NR1H4: variants seen among roughly 807,000 people sequenced by gnomAD.
The protein encoded by NR1H4 is bile acid receptor.
In NR1H4, 23 loss-of-function variants were observed where a neutral mutation model predicts 58.5. That is an observed-to-expected ratio of 0.39 (90% CI 0.28 to 0.56). NR1H4 has a LOEUF of 0.56. Ranked by LOEUF, NR1H4 falls within the 20% of genes least tolerant of loss-of-function variation. The pLI, the probability that NR1H4 is intolerant of heterozygous loss-of-function variation, is 0.58. For synonymous variants in NR1H4, 214 were observed against 198.0 expected, an observed-to-expected ratio of 1.08 and a Z score of -0.68; for missense variants, 487 against 576.9, an observed-to-expected ratio of 0.84 and a Z score of 1.60.
At chr12:100,529,993 A>G (rs1255989589) in intron 4 of NR1H4, among the ~76,000 whole-genome samples, 1 of 152,228 alleles carries the variant, frequency 6.6e-6, no homozygotes, top group East Asian at 1.9e-4. Context: ...CTACATTTCA[A>G]TAATTTATTC....
chr12:100,532,632 A>G (rs374789261), intron 5 of NR1H4, 22 bp downstream of exon 5: 4 of 1,611,024 alleles, frequency 2.5e-6, no homozygotes, highest in Middle Eastern at 3.4e-4. Flanking sequence ...AAGCAATTAC[A>G]TTTCACTAAA....
chr12:100,547,696 A>G lies in NR1H4; in HGVS notation c.1078+6878A>G, dbSNP rs181724779. 2.3e-3 allele frequency among the ~76,000 whole-genome samples: 339 copies of G among 146,188 alleles called. 3 individuals carry two copies. Among genetic ancestry groups the G allele is most frequent in the African/African-American group, 8.9e-3 (332 of 37,282 alleles). On this transcript the variant is annotated intron_variant, in intron 9 of 10. Transcript: ENST00000392986. ...TACCTCCAACAGAAGCAATTGTCTT[A>G]TTCCTTTGTTTTATTTATTTATTTA...
At chr12:100,545,636 T>G (rs1955043261) in intron 9 of NR1H4, among the ~76,000 whole-genome samples, 5 of 107,276 alleles carry the variant, frequency 4.7e-5, no homozygotes, top group Non-Finnish European at 5.1e-5. Flanking sequence ...AGTGAGACCT[T>G]GTCTCAAAAA....
intron 9 of NR1H4, among the ~76,000 whole-genome samples, chr12:100,560,838 G>C (rs1955453439): frequency 6.6e-6 from 1 of 152,140 alleles, no homozygotes; most frequent in African/African-American, 2.4e-5. Flanking sequence ...AAGAGGAGAG[G>C]GAGCACCAGG....
intron 10 of NR1H4, 39 bp from the exon 11 acceptor site, chr12:100,563,212 C>CT (rs1349721917): frequency 2.0e-6 from 3 of 1,487,824 alleles, no homozygotes; most frequent in African/African-American, 1.4e-5. Context: ...TGCTTTTCCA[C>CT]TTTTTAATTT....
chr12:100,519,784 G>A (rs1294611211), intron 4 of NR1H4, among the ~76,000 whole-genome samples: 1 of 152,144 alleles, frequency 6.6e-6, no homozygotes, highest in Non-Finnish European at 1.5e-5. Context: ...AGGGAGTTGG[G>A]AGGGACAGAG....
chr12:100,502,397 G>A (rs1291598424), intron 3 of NR1H4, among the ~76,000 whole-genome samples: 1 of 152,156 alleles, frequency 6.6e-6, no homozygotes, highest in Admixed American at 6.5e-5. Context: ...GGCTGTGGGT[G>A]GAGGATGTGC....
intron 3 of NR1H4, chr12:100,505,454 C>T (rs1470872248): frequency 2.0e-6 from 1 of 510,210 alleles, no homozygotes; most frequent in East Asian, 3.1e-5. Flanking sequence ...TTAGTGGCTA[C>T]CATATTGGTA....
At chr12:100,551,247 G>A (rs546397980) in intron 9 of NR1H4, among the ~76,000 whole-genome samples, 14 of 152,304 alleles carry the variant, frequency 9.2e-5, no homozygotes, top group African/African-American at 2.6e-4. Context: ...TCAGAGAAAG[G>A]AGATAATCTT....
At chr12:100,539,166 G>A (rs1391489643) in intron 8 of NR1H4, among the ~76,000 whole-genome samples, 6 of 152,066 alleles carry the variant, frequency 3.9e-5, no homozygotes, top group African/African-American at 1.4e-4. Context: ...GAGGGAGCAA[G>A]TACAATTAGT....
Position 100,511,237 on chromosome 12 carries a change from C to A in NR1H4, c.445+94C>A, listed in dbSNP as rs144462522. 611 of 1,540,730 alleles carry A rather than the reference C, an allele frequency of 4.0e-4. 4 individuals are homozygous for A. The African/African-American group carries it at 6.8e-3, about 17-fold the overall frequency. ...TAATTGCTTCCCTTTTCCCAGGCAA[C>A]TTCCCATTTTCTCCTCCTGTGCGCC... On this transcript the variant is annotated intron_variant, in intron 4 of 10. Transcript: ENST00000392986.
chr12:100,557,236 T>C (rs1351611777), intron 9 of NR1H4, among the ~76,000 whole-genome samples: 2 of 148,872 alleles, frequency 1.3e-5, no homozygotes, highest in African/African-American at 2.5e-5. Flanking sequence ...CTTTTACTCA[T>C]GGTGGAAGGT....
intron 4 of NR1H4, among the ~76,000 whole-genome samples, chr12:100,511,778 T>C (rs7970999): frequency 0.23 from 34,998 of 151,666 alleles, 7,785 homozygotes; most frequent in East Asian, 0.64. Context: ...AAAAATTAGC[T>C]GGGTGTGGTG....
intron 1 of NR1H4, among the ~76,000 whole-genome samples, chr12:100,480,417 C>T (rs1033112978): frequency 2.0e-5 from 3 of 152,130 alleles, no homozygotes; most frequent in Non-Finnish European, 4.4e-5. Context: ...ACACATCCAC[C>T]GTACTAGTGG....
chr12:100,511,007 A>G lies in NR1H4; in HGVS notation c.309A>G (p.Val103=), dbSNP rs1258666655. 1 of 1,614,266 alleles carries G rather than the reference A, an allele frequency of 6.2e-7. No homozygotes were observed. The highest frequency in any genetic ancestry group is 8.5e-7 in the Non-Finnish European group (1 of 1,180,046). Residue 103 remains valine, a synonymous_variant, in exon 4 of 11, where the codon GTA becomes GTG. Transcript: ENST00000392986. ...AETLYQGETE[V]AEMPVTKKPR... is the part of the protein sequence containing the mutation. ...CTCTCTACCAGGGAGAAACTGAGGTAGCAGAGATGCCTGTAACAAAGAAGC... is the reference window on the plus strand; with the variant it reads ...CTCTCTACCAGGGAGAAACTGAGGTGGCAGAGATGCCTGTAACAAAGAAGC...
At chr12:100,534,385 A>G (rs896338878) in intron 5 of NR1H4, among the ~76,000 whole-genome samples, 6 of 152,198 alleles carry the variant, frequency 3.9e-5, no homozygotes, top group African/African-American at 1.4e-4. Context: ...GTTTATATGT[A>G]TTTAATGTGA....
At position 100,556,167 on chromosome 12, in the gene NR1H4, T is replaced by C. The variant is rs535495099; in HGVS notation, c.1079-5718T>C. Among the ~76,000 whole-genome samples the C allele has an allele frequency of 6.8e-4, 103 of 152,248 alleles. 1 individual carries two copies. Among genetic ancestry groups the C allele is most frequent in the African/African-American group, 2.3e-3 (96 of 41,558 alleles). On this transcript the variant is annotated intron_variant, in intron 9 of 10. Transcript: ENST00000392986. The stretch of plus-strand genomic sequence containing the variant: ...TTTAAATCCAAAAAAATTAAATAAA[T>C]CGTATAATTCTCTTTATAGGCTGGG...
chr12:100,505,846 G>A (rs1186490464), intron 3 of NR1H4: 3 of 443,424 alleles, frequency 6.8e-6, no homozygotes, highest in Admixed American at 3.8e-5. Context: ...TGCCAATGTT[G>A]TATTTGTTTA....
chr12:100,489,123 T>G (rs939587401), intron 1 of NR1H4, among the ~76,000 whole-genome samples: 2 of 152,186 alleles, frequency 1.3e-5, no homozygotes, highest in Non-Finnish European at 2.9e-5. Context: ...ATATGGAAAC[T>G]CTTGGCAAAT....
Sources: allele counts gnomAD v4.1 joint callset (sites outside exome capture counted in the v4.1 genomes callset), GRCh38; gene constraint gnomAD v4.1.1; transcripts MANE v1.5; gene names NCBI Gene and HGNC (gene_info 2026-07-23, HGNC 2026-07-21).